The following CPS1 variants were observed in gnomAD, a reference collection of about 807,000 sequenced individuals.
The protein encoded by CPS1 is carbamoyl-phosphate synthase 1.
CPS1 carries 109 observed loss-of-function variants against 174.6 expected under a neutral mutation model. The observed-to-expected ratio is 0.62, with a 90% CI of 0.53 to 0.73. The LOEUF (loss-of-function observed/expected upper bound fraction) is 0.73, where lower values mean the gene tolerates loss of function less well. CPS1 is among the 30% of genes least tolerant of loss of function. CPS1 has a pLI of 0.00. For synonymous variants in CPS1, 637 were observed against 632.0 expected, an observed-to-expected ratio of 1.01 and a Z score of -0.12; for missense variants, 1,689 against 1,821.9, an observed-to-expected ratio of 0.93 and a Z score of 1.33.
At chr2:210,659,208 A>G (rs943008351) in intron 31 of CPS1, among the ~76,000 whole-genome samples, 2 of 152,186 alleles carry the variant, frequency 1.3e-5, no homozygotes. Context: ...AAAGGGGTTT[A>G]CTTGGCTTAT....
In CPS1 at chr2:210,608,428, G is replaced by C; in HGVS notation, c.2260G>C (p.Val754Leu). 6.2e-7 allele frequency: 1 copy of C among 1,612,428 alleles called. No homozygotes were observed. The highest frequency in any genetic ancestry group is 8.5e-7 in the Non-Finnish European group (1 of 1,178,968). The change falls in exon 19 of 38, where the codon GTA (valine) becomes CTA (leucine). Residue 754 changes from valine (V) to leucine (L), a missense_variant. Val to Leu is a conservative substitution (Grantham distance 32, BLOSUM62 1). Coordinates refer to ENST00000233072, the MANE Select transcript of CPS1 (RefSeq NM_001875.5). ...GIPLPEIKNV[V>L]SGKTSACFEP... ...CCCACTTCCAGAAATTAAGAACGTC[G>C]TATCCGGGAAGACATCAGCCTGTTT...
chr2:210,603,956 G>T (rs1472097782), intron 16 of CPS1, among the ~76,000 whole-genome samples: 1 of 151,910 alleles, frequency 6.6e-6, no homozygotes, highest in East Asian at 1.9e-4. Flanking sequence ...AACAGGTGAA[G>T]ATAATTTCAA....
chr2:210,490,890 C>A (rs1574463364), intron 1 of CPS1, among the ~76,000 whole-genome samples: 1 of 152,246 alleles, frequency 6.6e-6, no homozygotes, highest in East Asian at 1.9e-4. Context: ...GGTTGGGAGT[C>A]TAGTTCTGTT....
At chr2:210,629,881 T>A (rs529008593) in intron 21 of CPS1, among the ~76,000 whole-genome samples, 26 of 148,036 alleles carry the variant, frequency 1.8e-4, no homozygotes, top group African/African-American at 5.2e-4. Flanking sequence ...AAACCCCGAC[T>A]CTAATAAAAA....
intron 1 of CPS1, among the ~76,000 whole-genome samples, chr2:210,530,202 T>G (rs964264599): frequency 2.0e-5 from 3 of 152,078 alleles, no homozygotes; most frequent in African/African-American, 7.2e-5. Flanking sequence ...AAATGGCTTG[T>G]TCTATTGTTA....
chr2:210,561,566 A>G (rs1273836371), intron 1 of CPS1, among the ~76,000 whole-genome samples: 1 of 152,208 alleles, frequency 6.6e-6, no homozygotes, highest in African/African-American at 2.4e-5. Context: ...GAAAGTTTTC[A>G]GTATCTCTTA....
chr2:210,528,587 A>G (rs567307605), intron 1 of CPS1, among the ~76,000 whole-genome samples: 1 of 152,066 alleles, frequency 6.6e-6, no homozygotes, highest in East Asian at 1.9e-4. Context: ...ACCAAACAAT[A>G]GTGCCTTAGG....
In CPS1 at chr2:210,532,552, A is replaced by G. The variant is rs1309677382; in HGVS notation, c.4-24167A>G. On this transcript the variant is annotated intron_variant, in intron 1 of 38. Transcript: ENST00000430249. Reference sequence around the variant, plus strand: ...GGAATAAGTATAGCAATAGCTAACTATGTCTTTTTTTTTAATTAAAGTTTT... The same window carrying G: ...GGAATAAGTATAGCAATAGCTAACTGTGTCTTTTTTTTTAATTAAAGTTTT... 2.0e-5 allele frequency among the ~76,000 whole-genome samples: 3 copies of G among 152,152 alleles called. No homozygotes were observed. In the East Asian group the frequency reaches 5.8e-4, roughly 29 times the overall value.
intron 1 of CPS1, among the ~76,000 whole-genome samples, chr2:210,517,824 T>A (rs1372213339): frequency 2.0e-5 from 3 of 152,026 alleles, no homozygotes; most frequent in African/African-American, 7.2e-5. Context: ...GTCAAAACTC[T>A]TATGGCTATG....
intron 25 of CPS1, among the ~76,000 whole-genome samples, chr2:210,646,780 C>T (rs1700389203): frequency 6.6e-6 from 1 of 151,918 alleles, no homozygotes; most frequent in Non-Finnish European, 1.5e-5. Context: ...GTCTTGTTGT[C>T]TATAAAATTA....
chr2:210,529,591 T>A (rs1696064049), intron 1 of CPS1, among the ~76,000 whole-genome samples: 1 of 152,026 alleles, frequency 6.6e-6, no homozygotes, highest in Non-Finnish European at 1.5e-5. Context: ...CCTTTGAATC[T>A]GACAAAAAGA....
chr2:210,484,508 C>T lies in CPS1; in HGVS notation c.3+6742C>T, dbSNP rs75113202. 6.8e-4 allele frequency among the ~76,000 whole-genome samples: 104 copies of T among 152,256 alleles called. No individual in the cohort carries two copies. In the East Asian group the frequency reaches 0.018, roughly 27 times the overall value. ...TTTTGAATAAACATAGAAATTGACC[C>T]TCCTGGTTTTAAAACTTGAGACATT... On this transcript the variant is annotated intron_variant, in intron 1 of 38. Coordinates refer to the CPS1 transcript ENST00000430249.
At chr2:210,644,652 G>A (rs1341076551) in intron 25 of CPS1, among the ~76,000 whole-genome samples, 1 of 152,112 alleles carries the variant, frequency 6.6e-6, no homozygotes, top group Non-Finnish European at 1.5e-5. Flanking sequence ...TTTCTCACAT[G>A]ACATTCTTTC....
rs191182348 is a variant in CPS1 at position 210,582,613 on chromosome 2, A to G, written c.529-4A>G. On this transcript the variant is annotated splice_polypyrimidine_tract_variant and splice_region_variant and intron_variant, in intron 5 of 37. Transcript: ENST00000233072. ...TTAACTGTCTAATTTTTTTAATTTGATAGGGTACCATGCTTGGGAAGATTG... is the reference window on the plus strand; with the variant it reads ...TTAACTGTCTAATTTTTTTAATTTGGTAGGGTACCATGCTTGGGAAGATTG... 1 of 1,610,078 alleles carries G rather than the reference A, an allele frequency of 6.2e-7. No individual in the cohort carries two copies. The highest frequency in any genetic ancestry group is 8.5e-7 in the Non-Finnish European group (1 of 1,176,582).
At chr2:210,629,625 C>T (rs1241966796) in intron 21 of CPS1, among the ~76,000 whole-genome samples, 1 of 151,692 alleles carries the variant, frequency 6.6e-6, no homozygotes, top group African/African-American at 2.4e-5. Flanking sequence ...AGAACACTTT[C>T]TTATATACGA....
chr2:210,648,045 T>C lies in CPS1; in HGVS notation c.3324T>C (p.Ala1108=). 3 of 1,613,958 alleles carry C rather than the reference T, an allele frequency of 1.9e-6. No individual in the cohort carries two copies. The highest frequency in any genetic ancestry group is 2.5e-6 in the Non-Finnish European group (3 of 1,179,888). ...AGGTGGCTCAGGCACCTTGGAAAGC[T>C]GTTAATACTTTGGTAAGGAGAGAAA... The part of the protein sequence containing the change: ...ELKVAQAPWK[A]VNTLNEALEF... Residue 1108 remains alanine (A), a synonymous_variant, in exon 26 of 38, where the codon GCT becomes GCC. Transcript: ENST00000233072.
At chr2:210,572,356 C>T (rs1451547479) in intron 1 of CPS1, among the ~76,000 whole-genome samples, 1 of 152,002 alleles carries the variant, frequency 6.6e-6, no homozygotes, top group African/African-American at 2.4e-5. Context: ...TTAAAAACCA[C>T]ATTCTAATTA....
At chr2:210,484,246 C>A (rs1170938421) in intron 1 of CPS1, among the ~76,000 whole-genome samples, 1 of 152,104 alleles carries the variant, frequency 6.6e-6, no homozygotes, top group Non-Finnish European at 1.5e-5. Flanking sequence ...GAAGGGTCAA[C>A]CTGTGCAAAG....
At position 210,606,869 on chromosome 2, in the gene CPS1, C is replaced by T; in HGVS notation, c.2120C>T (p.Ser707Leu). Reference sequence around the variant, plus strand: ...ATTCAGTTTGCCCTTCATCCTACCTCAATGGAATACTGCATCATTGAAGTG... The same window carrying T: ...ATTCAGTTTGCCCTTCATCCTACCTTAATGGAATACTGCATCATTGAAGTG... ...CNIQFALHPT[S>L]MEYCIIEVNA... The change falls in exon 18 of 38, where the codon TCA becomes TTA. Residue 707 changes from serine (S) to leucine (L), a missense_variant. Transcript: ENST00000233072. The T allele has an allele frequency of 6.2e-7, 1 of 1,612,652 alleles. No individual in the cohort carries two copies. Among genetic ancestry groups the T allele is most frequent in the Admixed American group, 1.7e-5 (1 of 59,844 alleles).
Sources: gnomAD v4.1 joint callset for allele counts (sites outside exome capture counted in the v4.1 genomes callset) on GRCh38, gnomAD v4.1.1 for gene constraint, MANE v1.5 for transcripts, NCBI Gene and HGNC (gene_info 2026-07-23, HGNC 2026-07-21) for gene names.